NTM: variants seen among roughly 807,000 people sequenced by gnomAD.
The protein encoded by NTM is IgLON family member 2.
A neutral mutation model predicts 42.1 loss-of-function variants in NTM; 13 were observed. The observed-to-expected ratio is 0.31, with a 90% CI of 0.20 to 0.49. NTM has a LOEUF of 0.49. Among genes scored for constraint, NTM ranks in the 20% least tolerant of loss-of-function variants. The probability of loss-of-function intolerance (pLI) is 0.99; values close to 1 mark genes in which losing one functional copy is unlikely to be tolerated. For synonymous variants in NTM, 187 were observed against 179.2 expected, an observed-to-expected ratio of 1.04 and a Z score of -0.35; for missense variants, 373 against 452.8, an observed-to-expected ratio of 0.82 and a Z score of 1.60.
At chr11:131,749,763 T>A (rs530330721) in intron 1 of NTM, among the ~76,000 whole-genome samples, 4 of 152,170 alleles carry the variant, frequency 2.6e-5, no homozygotes, top group African/African-American at 4.8e-5. Context: ...CATGCTCAGA[T>A]AATTTTTTCT....
intron 2 of NTM, among the ~76,000 whole-genome samples, chr11:132,102,844 G>A (rs1009820458): frequency 6.6e-6 from 1 of 152,202 alleles, no homozygotes; most frequent in Non-Finnish European, 1.5e-5. Context: ...CAAGCTGTGT[G>A]GAGCCTGTCT....
intron 4 of NTM, among the ~76,000 whole-genome samples, chr11:132,250,832 T>G (rs1303780554): frequency 1.3e-5 from 2 of 152,218 alleles, no homozygotes; most frequent in Non-Finnish European, 2.9e-5. Flanking sequence ...CAATGTTTCA[T>G]GATTCCATTA....
intron 1 of NTM, among the ~76,000 whole-genome samples, chr11:131,431,543 TA>T (rs1231686246): frequency 2.0e-5 from 3 of 152,198 alleles, no homozygotes; most frequent in Non-Finnish European, 4.4e-5. Context: ...GTGATCTGCT[TA>T]CCTGCTTCCC....
chr11:131,688,155 C>T (rs2074155356), intron 1 of NTM, among the ~76,000 whole-genome samples: 1 of 152,166 alleles, frequency 6.6e-6, no homozygotes, highest in South Asian at 2.1e-4. Flanking sequence ...TGCAGCTCCC[C>T]AGAACGGCCA....
intron 1 of NTM, among the ~76,000 whole-genome samples, chr11:131,867,283 CA>C (rs1472193074): frequency 6.6e-6 from 1 of 152,116 alleles, no homozygotes; most frequent in African/African-American, 2.4e-5. Context: ...GAAGGATCCG[CA>C]AAGGCTGGAG....
intron 1 of NTM, among the ~76,000 whole-genome samples, chr11:131,750,740 T>C (rs1214404031): frequency 1.3e-5 from 2 of 152,230 alleles, no homozygotes; most frequent in African/African-American, 4.8e-5. Flanking sequence ...CTCTCATTGC[T>C]GGAGCCTAGG....
chr11:131,640,126 T>A (rs2134216226), intron 1 of NTM, among the ~76,000 whole-genome samples: 1 of 152,314 alleles, frequency 6.6e-6, no homozygotes, highest in African/African-American at 2.4e-5. Flanking sequence ...TTTGTTTTCT[T>A]TCTTCTGTGA....
chr11:132,079,700 T>C (rs770920700), intron 2 of NTM, among the ~76,000 whole-genome samples: 9 of 152,312 alleles, frequency 5.9e-5, no homozygotes, highest in Non-Finnish European at 1.2e-4. Flanking sequence ...CGTAACCTGG[T>C]TGCATGTTCC....
At chr11:131,699,727 A>AG (rs1440558345) in intron 1 of NTM, among the ~76,000 whole-genome samples, 1 of 152,108 alleles carries the variant, frequency 6.6e-6, no homozygotes, top group Non-Finnish European at 1.5e-5. Context: ...GCCAAGCAAA[A>AG]GGGGGGAAAA....
intron 1 of NTM, among the ~76,000 whole-genome samples, chr11:131,476,222 C>T (rs1952925203): frequency 6.6e-6 from 1 of 152,236 alleles, no homozygotes; most frequent in South Asian, 2.1e-4. Flanking sequence ...ATAATCCATT[C>T]TCCACTAAGG....
chr11:131,487,677 G>A (rs1348220946), intron 1 of NTM, among the ~76,000 whole-genome samples: 3 of 152,188 alleles, frequency 2.0e-5, no homozygotes, highest in Non-Finnish European at 4.4e-5. Flanking sequence ...CACCTAAAAG[G>A]AATGTGGAGA....
chr11:131,500,368 T>G (rs1457544425), intron 1 of NTM, among the ~76,000 whole-genome samples: 1 of 151,944 alleles, frequency 6.6e-6, no homozygotes, highest in Admixed American at 6.6e-5. Context: ...AAGTAATTCT[T>G]CTCAATGAAC....
chr11:131,629,422 G>T (rs544448777), intron 1 of NTM, among the ~76,000 whole-genome samples: 4 of 152,166 alleles, frequency 2.6e-5, no homozygotes, highest in Non-Finnish European at 5.9e-5. Flanking sequence ...GGCCCTGGAA[G>T]GGTCTTACAC....
chr11:131,686,891 G>C (rs1397001337), intron 1 of NTM, among the ~76,000 whole-genome samples: 1 of 152,214 alleles, frequency 6.6e-6, no homozygotes, highest in Non-Finnish European at 1.5e-5. Context: ...CCATCTGCTG[G>C]AAATGCTAAT....
At chr11:131,906,858 C>T (rs2053939004) in intron 1 of NTM, among the ~76,000 whole-genome samples, 1 of 152,178 alleles carries the variant, frequency 6.6e-6, no homozygotes, top group Admixed American at 6.5e-5. Context: ...CACCTTTGCT[C>T]TTTCTGCTGA....
intron 1 of NTM, among the ~76,000 whole-genome samples, chr11:131,483,432 C>A (rs755626220): frequency 4.6e-5 from 7 of 152,188 alleles, no homozygotes; most frequent in African/African-American, 1.7e-4. Flanking sequence ...TGCCATAGAG[C>A]GACTTACTCC....
intron 2 of NTM, among the ~76,000 whole-genome samples, chr11:132,006,652 T>C (rs1315041688): frequency 6.6e-6 from 1 of 152,236 alleles, no homozygotes; most frequent in Non-Finnish European, 1.5e-5. Context: ...TCTGCAGTCA[T>C]TTCCTTTGGG....
chr11:131,641,820 G>T (rs190035502), intron 1 of NTM, among the ~76,000 whole-genome samples: 2 of 151,212 alleles, frequency 1.3e-5, no homozygotes, highest in Admixed American at 6.6e-5. Context: ...TCCAACTCCC[G>T]GGTTCAAGTG....
At chr11:131,436,890 A>C (rs968786120) in intron 1 of NTM, among the ~76,000 whole-genome samples, 2 of 152,098 alleles carry the variant, frequency 1.3e-5, no homozygotes, top group African/African-American at 2.4e-5. Flanking sequence ...TGTCAATTTT[A>C]GATCTTTCCT....
Sources: allele counts gnomAD v4.1 joint callset (sites outside exome capture counted in the v4.1 genomes callset), GRCh38; gene constraint gnomAD v4.1.1; transcripts MANE v1.5; gene names NCBI Gene and HGNC (gene_info 2026-07-23, HGNC 2026-07-21).